The following NINL variants were observed in gnomAD, a reference collection of about 807,000 sequenced individuals.
NINL encodes the protein ninein like.
NINL carries 153 observed loss-of-function variants against 160.3 expected under a neutral mutation model. The observed-to-expected ratio is 0.95, with a 90% CI of 0.84 to 1.09. NINL has a LOEUF of 1.09. NINL is among the 50% of genes least tolerant of loss of function. The pLI is 0.00. For synonymous variants in NINL, 800 were observed against 734.8 expected (o/e 1.09, Z -1.43); for missense variants, 1,829 against 1,764.0 (o/e 1.04, Z -0.66).
chr20:25,540,373 T>C (rs561590231), intron 1 of NINL, among the ~76,000 whole-genome samples: 5 of 152,186 alleles, frequency 3.3e-5, no homozygotes, highest in East Asian at 1.9e-4. Flanking sequence ...CAGAGACATA[T>C]GACGTTGTCA....
At chr20:25,522,760 G>A (rs1365058194) in intron 2 of NINL, among the ~76,000 whole-genome samples, 1 of 152,182 alleles carries the variant, frequency 6.6e-6, no homozygotes, top group Non-Finnish European at 1.5e-5. Flanking sequence ...ATACCATCTT[G>A]ACCACACTTG....
intron 7 of NINL, among the ~76,000 whole-genome samples, chr20:25,501,416 G>A (rs1489450139): frequency 1.3e-5 from 2 of 152,222 alleles, no homozygotes; most frequent in African/African-American, 4.8e-5. Context: ...CCAGCACCAG[G>A]AAAGTCTCAG....
At chr20:25,530,238 C>T (rs546438729) in intron 1 of NINL, among the ~76,000 whole-genome samples, 5 of 152,296 alleles carry the variant, frequency 3.3e-5, no homozygotes, top group South Asian at 2.1e-4. Context: ...GTGAGGCACA[C>T]GCACGTACAT....
At chr20:25,552,362 T>G (rs920532193) in intron 1 of NINL, among the ~76,000 whole-genome samples, 1 of 151,698 alleles carries the variant, frequency 6.6e-6, no homozygotes, top group Non-Finnish European at 1.5e-5. Flanking sequence ...AGCCAGACCC[T>G]CCCCACCTCA....
chr20:25,474,257 C>A (rs1418446343), intron 17 of NINL, among the ~76,000 whole-genome samples: 1 of 152,234 alleles, frequency 6.6e-6, no homozygotes, highest in African/African-American at 2.4e-5. Context: ...CAGGGAGCTC[C>A]CCTCGGGGCC....
At chr20:25,558,151 G>A (rs559002121) in intron 1 of NINL, among the ~76,000 whole-genome samples, 5 of 152,096 alleles carry the variant, frequency 3.3e-5, no homozygotes, top group African/African-American at 9.6e-5. Flanking sequence ...AAAAACAAAC[G>A]AAAAACAAAG....
At chr20:25,569,219 C>T (rs1327915503) in intron 1 of NINL, among the ~76,000 whole-genome samples, 1 of 143,492 alleles carries the variant, frequency 7.0e-6, no homozygotes, top group Admixed American at 7.0e-5. Flanking sequence ...CAGAGCGAGA[C>T]TCTGTCTCAA....
intron 1 of NINL, among the ~76,000 whole-genome samples, chr20:25,582,987 T>C (rs1199381925): frequency 6.6e-6 from 1 of 152,152 alleles, no homozygotes; most frequent in African/African-American, 2.4e-5. Context: ...TAACTCAAGA[T>C]GGATTAAAGA....
At chr20:25,506,681 A>G (rs1196094083) in intron 5 of NINL, among the ~76,000 whole-genome samples, 1 of 152,218 alleles carries the variant, frequency 6.6e-6, no homozygotes, top group Non-Finnish European at 1.5e-5. Context: ...TCAATGTCTC[A>G]TGTAATCTAC....
At chr20:25,508,871 G>A (rs1346493840) in intron 5 of NINL, among the ~76,000 whole-genome samples, 2 of 152,172 alleles carry the variant, frequency 1.3e-5, no homozygotes, top group East Asian at 1.9e-4. Flanking sequence ...CTCCCTACAC[G>A]TCCATCAATG....
chr20:25,584,193 G>A (rs746571010), intron 1 of NINL, among the ~76,000 whole-genome samples: 6 of 152,126 alleles, frequency 3.9e-5, no homozygotes, highest in Admixed American at 6.5e-5. Flanking sequence ...AAACTTGGCC[G>A]GGTGCAGTGG....
At chr20:25,515,511 A>T (rs2064144148) in intron 3 of NINL, among the ~76,000 whole-genome samples, 1 of 152,126 alleles carries the variant, frequency 6.6e-6, no homozygotes, top group African/African-American at 2.4e-5. Flanking sequence ...AGACTCTGGG[A>T]GACTTGTTAC....
chr20:25,543,056 A>G (rs901962096), intron 1 of NINL, among the ~76,000 whole-genome samples: 1 of 146,252 alleles, frequency 6.8e-6, no homozygotes, highest in African/African-American at 2.5e-5. Flanking sequence ...AAAAAAAAAG[A>G]AAGAAAAGAA....
rs368417352 is a variant in NINL at position 25,583,257 on chromosome 20, G to A, written c.-12+2198C>T. 3.3e-5 allele frequency among the ~76,000 whole-genome samples: 5 copies of A among 152,030 alleles called. No individual in the cohort carries two copies. In the East Asian group the frequency reaches 9.6e-4, roughly 29 times the overall value. ...AAGGTCTAATATCCAGAATATAGAA[G>A]GAACTTAAACAAATTTACAAGAAAA... On this transcript the variant is annotated intron_variant, in intron 1 of 23. Coordinates refer to ENST00000278886, the MANE Select transcript of NINL (RefSeq NM_025176.6).
At chr20:25,569,872 C>T (rs1372340810) in intron 1 of NINL, among the ~76,000 whole-genome samples, 1 of 152,178 alleles carries the variant, frequency 6.6e-6, no homozygotes, top group East Asian at 1.9e-4. Flanking sequence ...CTCGCTGGCA[C>T]ATCTGATTCT....
chr20:25,544,004 A>G (rs933241737), intron 1 of NINL, among the ~76,000 whole-genome samples: 1 of 133,838 alleles, frequency 7.5e-6, no homozygotes. Flanking sequence ...CATTCTTTCC[A>G]TTACCACAGT....
chr20:25,576,795 A>G (rs2147192656), intron 1 of NINL, among the ~76,000 whole-genome samples: 1 of 152,334 alleles, frequency 6.6e-6, no homozygotes, highest in South Asian at 2.1e-4. Context: ...TACAATGATA[A>G]GAGTCTTACT....
chr20:25,498,004 C>T (rs572051078), intron 9 of NINL, among the ~76,000 whole-genome samples: 7 of 152,248 alleles, frequency 4.6e-5, no homozygotes, highest in Non-Finnish European at 7.3e-5. Context: ...GTCCATGCTC[C>T]GTGGCTAGAT....
intron 8 of NINL, 125 bp from the exon 9 acceptor site, chr20:25,498,471 T>C: frequency 2.4e-6 from 3 of 1,275,706 alleles, no homozygotes; most frequent in Non-Finnish European, 3.2e-6. Context: ...CTGCCCCTCC[T>C]GTCTGCCAAG....
Sources: allele counts gnomAD v4.1 joint callset (sites outside exome capture counted in the v4.1 genomes callset), GRCh38; gene constraint gnomAD v4.1.1; transcripts MANE v1.5; gene names NCBI Gene and HGNC (gene_info 2026-07-23, HGNC 2026-07-21).